The following CDH23 variants were observed in gnomAD, a reference collection of about 807,000 sequenced individuals.
CDH23 encodes the protein cadherin related 23, also known as cadherin-23.
In CDH23, 189 loss-of-function variants were observed where a neutral mutation model predicts 317.1. The observed-to-expected ratio is 0.60, with a 90% CI of 0.53 to 0.67. CDH23 has a LOEUF of 0.67. Among genes scored for constraint, CDH23 ranks in the 30% least tolerant of loss-of-function variants. The pLI, the probability that CDH23 is intolerant of heterozygous loss-of-function variation, is 0.00. For missense variants in CDH23, 4,401 were observed against 4,592.4 expected (o/e 0.96, Z 1.20); for synonymous variants, 1,839 against 1,876.8 (o/e 0.98, Z 0.52).
intron 31 of CDH23, 57 bp from the exon 32 acceptor site, chr10:71,731,930 C>A: frequency 1.3e-6 from 2 of 1,547,796 alleles, no homozygotes; most frequent in South Asian, 1.2e-5. Context: ...TGAGAAGCCA[C>A]AGCGCAGCCC....
At chr10:71,790,147 C>A in intron 45 of CDH23, 141 bp from the exon 46 acceptor site, 1 of 1,196,338 alleles carries the variant, frequency 8.4e-7, no homozygotes. Context: ...CAGGCCCGCC[C>A]CCAGGGCCTC....
intron 1 of CDH23, among the ~76,000 whole-genome samples, chr10:71,423,793 G>T (rs542148575): frequency 8.3e-4 from 126 of 152,320 alleles, no homozygotes; most frequent in Non-Finnish European, 1.5e-3. Context: ...GCCAGTGAAG[G>T]CCAAGTGACC....
rs577596939 is a variant in CDH23, at chr10:71,774,184, C to A, written c.4846-3496C>A. ...ACACCTGTTGGCGTGCCCCACAGCA[C>A]ATCCTGCAAGCTCCCCTCCGGCAGA... On this transcript the variant is annotated intron_variant, in intron 38 of 69. Coordinates refer to ENST00000224721, the MANE Select transcript of CDH23 (RefSeq NM_022124.6). 1.7e-4 allele frequency among the ~76,000 whole-genome samples: 26 copies of A among 152,238 alleles called. No individual in the cohort carries two copies. The South Asian group carries it at 5.4e-3, about 32-fold the overall frequency.
At chr10:71,713,310 G>A (rs1564750020) in intron 28 of CDH23, 2 of 778,762 alleles carry the variant, frequency 2.6e-6, no homozygotes, top group Non-Finnish European at 2.4e-6. Context: ...AGAGAAGGGA[G>A]GACCCTGAAA....
rs559443805 is a variant in CDH23 at position 71,793,348 on chromosome 10, C to T, written c.6420C>T (p.Tyr2140=). 3 of 1,613,988 alleles carry T rather than the reference C, an allele frequency of 1.9e-6. No homozygotes were observed. Among genetic ancestry groups the T allele is most frequent in the South Asian group, 1.1e-5 (1 of 91,076 alleles). ...ATIDREEQES[Y]RLTVVATDRG... ...TCGACAGAGAGGAGCAGGAGTCCTA[C>T]AGGCTAACGGTGGTGGCCACCGACC... Residue 2140 remains tyrosine, a synonymous_variant, in exon 48 of 70, where the codon TAC becomes TAT. Transcript: ENST00000224721.
chr10:71,649,211 C>T (rs953740340), intron 14 of CDH23, among the ~76,000 whole-genome samples: 3 of 152,196 alleles, frequency 2.0e-5, no homozygotes, highest in South Asian at 2.1e-4. Flanking sequence ...TGCTCAGACC[C>T]GGGGTCAGCC....
intron 6 of CDH23, among the ~76,000 whole-genome samples, chr10:71,520,114 G>A (rs1236472255): frequency 2.6e-5 from 4 of 152,186 alleles, no homozygotes; most frequent in Admixed American, 1.3e-4. Context: ...GACCTGAAGA[G>A]TATTACCACT....
chr10:71,798,504 T>G lies in CDH23; in HGVS notation c.6980T>G (p.Leu2327Arg). The stretch of plus-strand genomic sequence containing the variant: ...GCAGCCGTGGACCCTGACAAGGGCC[T>G]TAATGGGCTGGTCACCTACACCCTG... ...AVAAVDPDKGLNGLVTYTLLD... is the reference protein window; with the variant it reads ...AVAAVDPDKGRNGLVTYTLLD... Residue 2327 changes from leucine (L) to arginine (R), a missense_variant, in exon 50 of 70, where the codon CTT becomes CGT. Transcript: ENST00000224721. 6.2e-7 allele frequency: 1 copy of G among 1,613,968 alleles called. No homozygotes were observed. The highest frequency in any genetic ancestry group is 8.5e-7 in the Non-Finnish European group (1 of 1,179,852).
chr10:71,728,640 T>C (rs1348054770), intron 30 of CDH23, among the ~76,000 whole-genome samples: 1 of 152,226 alleles, frequency 6.6e-6, no homozygotes, highest in Non-Finnish European at 1.5e-5. Flanking sequence ...AAAGTCTGTA[T>C]GGGGCATCAC....
chr10:71,791,407 G>A, intron 47 of CDH23, 72 bp downstream of exon 47: 1 of 1,352,416 alleles, frequency 7.4e-7, no homozygotes, highest in Non-Finnish European at 1.0e-6. Flanking sequence ...TGGAGCCTCA[G>A]GTTGGACACG....
chr10:71,654,297 C>A (rs755928245), intron 14 of CDH23, among the ~76,000 whole-genome samples: 11 of 152,186 alleles, frequency 7.2e-5, no homozygotes, highest in Non-Finnish European at 1.3e-4. Context: ...CTGGGCCCTG[C>A]AGCTTACGTG....
intron 21 of CDH23, among the ~76,000 whole-genome samples, chr10:71,694,821 C>T (rs2132715252): frequency 6.6e-6 from 1 of 152,304 alleles, no homozygotes; most frequent in Non-Finnish European, 1.5e-5. Flanking sequence ...AGCCACCTCC[C>T]CTCTTTGTTC....
At chr10:71,406,672 A>T (rs1224780810) in intron 1 of CDH23, among the ~76,000 whole-genome samples, 3 of 152,262 alleles carry the variant, frequency 2.0e-5, no homozygotes, top group Non-Finnish European at 4.4e-5. Context: ...CGAGATTAAA[A>T]AAAAATCTTT....
chr10:71,806,084 C>T lies in CDH23; in HGVS notation c.8065-84C>T, dbSNP rs367558097. On this transcript the variant is annotated intron_variant, in intron 56 of 69. Transcript: ENST00000224721. ...TCTTGCACCTCGCCTCCTGGAAAGT[C>T]CCTAGGGGAACTGGCCACCGGGAAG... 2,567 of 1,532,204 alleles carry T rather than the reference C, an allele frequency of 1.7e-3. 56 individuals are homozygous for T. In the South Asian group the frequency reaches 0.029, roughly 17 times the overall value. The allele number at this position is 1,532,204 out of a possible 1,614,324, so 94.9% of individuals were successfully genotyped here.
chr10:71,698,955 T>C (rs2132724570), intron 22 of CDH23, among the ~76,000 whole-genome samples: 1 of 152,332 alleles, frequency 6.6e-6, no homozygotes, highest in South Asian at 2.1e-4. Flanking sequence ...CCAGTTCTTC[T>C]CATCTAAAAA....
intron 38 of CDH23, chr10:71,753,150 G>T: frequency 1.2e-6 from 1 of 836,868 alleles, no homozygotes. Context: ...TTTTCACATG[G>T]GTGCTGTCCA....
intron 1 of CDH23, among the ~76,000 whole-genome samples, chr10:71,430,914 G>T (rs57387407): frequency 0.034 from 5,197 of 152,252 alleles, 309 homozygotes; most frequent in African/African-American, 0.12. Context: ...AAGCAACTCC[G>T]TATGTACTGA....
intron 3 of CDH23, among the ~76,000 whole-genome samples, chr10:71,507,913 C>A (rs979647241): frequency 1.3e-5 from 2 of 152,238 alleles, no homozygotes; most frequent in Non-Finnish European, 2.9e-5. Flanking sequence ...GCCTTTGTGG[C>A]TCACCATTGT....
intron 12 of CDH23, among the ~76,000 whole-genome samples, chr10:71,645,049 T>C (rs1862765938): frequency 6.6e-6 from 1 of 152,210 alleles, no homozygotes; most frequent in African/African-American, 2.4e-5. Context: ...TCACATCACA[T>C]GCTTTCTGTG....
Sources: gnomAD v4.1 joint callset for allele counts (sites outside exome capture counted in the v4.1 genomes callset) on GRCh38, gnomAD v4.1.1 for gene constraint, MANE v1.5 for transcripts, NCBI Gene and HGNC (gene_info 2026-07-23, HGNC 2026-07-21) for gene names.